SAMMSON: variants seen among roughly 807,000 people sequenced by gnomAD.
SAMMSON encodes survival associated mitochondrial melanoma specific oncogenic non-coding RNA.
chr3:70,213,002 T>C (rs769219861), intron 4 of SAMMSON, among the ~76,000 whole-genome samples: 1 of 152,192 alleles, frequency 6.6e-6, no homozygotes, highest in Non-Finnish European at 1.5e-5. Context: ...AGAGACTCGG[T>C]TTCACCATGC....
At chr3:70,225,769 T>G (rs1353101829) in intron 4 of SAMMSON, among the ~76,000 whole-genome samples, 4 of 152,216 alleles carry the variant, frequency 2.6e-5, no homozygotes, top group Non-Finnish European at 1.5e-5. Flanking sequence ...GATTTATGTC[T>G]TTTAAAAAAA....
At chr3:70,274,308 C>T (rs2106674880) in intron 6 of SAMMSON, among the ~76,000 whole-genome samples, 1 of 151,932 alleles carries the variant, frequency 6.6e-6, no homozygotes. Flanking sequence ...TAAATTATCA[C>T]TTATGGAAAT....
At chr3:70,431,694 C>G (rs1046205871) in intron 2 of SAMMSON, among the ~76,000 whole-genome samples, 3 of 151,974 alleles carry the variant, frequency 2.0e-5, no homozygotes, top group Non-Finnish European at 4.4e-5. Flanking sequence ...ATATAATGAT[C>G]ACTCTAAACA....
At chr3:70,419,349 T>C (rs1179992007) in intron 2 of SAMMSON, among the ~76,000 whole-genome samples, 1 of 151,990 alleles carries the variant, frequency 6.6e-6, no homozygotes, top group Non-Finnish European at 1.5e-5. Context: ...GATGTTTTCT[T>C]TGGACTATTT....
chr3:70,252,887 G>A (rs1207363258), intron 6 of SAMMSON, among the ~76,000 whole-genome samples: 3 of 151,692 alleles, frequency 2.0e-5, no homozygotes, highest in East Asian at 3.9e-4. Flanking sequence ...CGAGACCAGC[G>A]TGGCCAACAT....
At chr3:70,363,720 G>A (rs978976153) in intron 9 of SAMMSON, among the ~76,000 whole-genome samples, 3 of 151,788 alleles carry the variant, frequency 2.0e-5, no homozygotes, top group Non-Finnish European at 4.4e-5. Flanking sequence ...GTTTGAGAAT[G>A]TCCGTTTCCA....
chr3:70,282,241 C>T (rs1321815635), intron 6 of SAMMSON, among the ~76,000 whole-genome samples: 1 of 152,120 alleles, frequency 6.6e-6, no homozygotes, highest in Admixed American at 6.6e-5. Flanking sequence ...GCTTTCTGTG[C>T]AGTGAGCAAT....
intron 3 of SAMMSON, among the ~76,000 whole-genome samples, chr3:70,022,426 C>CAAAAAAAAAAAAAAAA (rs60455629): frequency 1.6e-4 from 15 of 91,122 alleles, no homozygotes; most frequent in Non-Finnish European, 3.1e-4. Context: ...AGTATAATAA[C>CAAAAAAAAAAAAAAAA]AAAAAAAAAA....
At chr3:70,062,226 C>G (rs2067193351) in intron 3 of SAMMSON, among the ~76,000 whole-genome samples, 1 of 152,034 alleles carries the variant, frequency 6.6e-6, no homozygotes, top group Admixed American at 6.6e-5. Context: ...AAGGAGGCCT[C>G]TCCTGACCCC....
At chr3:70,425,164 A>G (rs997760467) in intron 2 of SAMMSON, 18 of 152,238 alleles carry the variant, frequency 1.2e-4, no homozygotes, top group African/African-American at 4.3e-4. Context: ...CAGTTTCTCC[A>G]ATAAGCAATG....
At chr3:70,374,534 C>T (rs1417021336) in intron 9 of SAMMSON, among the ~76,000 whole-genome samples, 1 of 152,034 alleles carries the variant, frequency 6.6e-6, no homozygotes, top group Non-Finnish European at 1.5e-5. Context: ...ATTATTGCTA[C>T]TGGGTGGGAG....
chr3:70,083,373 A>G (rs2067273438), intron 4 of SAMMSON, among the ~76,000 whole-genome samples: 1 of 152,164 alleles, frequency 6.6e-6, no homozygotes, highest in African/African-American at 2.4e-5. Flanking sequence ...CTTCTTGTTC[A>G]AGCCAGGAAC....
At chr3:70,273,589 T>A (rs1198208027) in intron 6 of SAMMSON, among the ~76,000 whole-genome samples, 1 of 151,742 alleles carries the variant, frequency 6.6e-6, no homozygotes, top group African/African-American at 2.4e-5. Context: ...AAAAAAGAAA[T>A]GCAGGTCTTG....
chr3:70,127,368 G>T (rs948856978), intron 4 of SAMMSON: 1 of 152,108 alleles, frequency 6.6e-6, no homozygotes, highest in African/African-American at 2.4e-5. Flanking sequence ...GTTTATCAGG[G>T]TCAGGATCAT....
At chr3:70,334,857 T>C (rs6763116) in intron 7 of SAMMSON, among the ~76,000 whole-genome samples, 94,027 of 151,914 alleles carry the variant, frequency 0.62, 29,524 homozygotes, top group Admixed American at 0.67. Flanking sequence ...TCCTCTAGGA[T>C]TGACAATCAA....
At chr3:70,136,421 CT>C (rs2067506186) in intron 4 of SAMMSON, among the ~76,000 whole-genome samples, 1 of 152,198 alleles carries the variant, frequency 6.6e-6, no homozygotes, top group African/African-American at 2.4e-5. Context: ...GAACTGAGGC[CT>C]TTGCCAATAG....
In SAMMSON at chr3:70,010,409, C is replaced by G. The variant is rs1041954372; in HGVS notation, n.23-1948C>G. Among the ~76,000 whole-genome samples the G allele has an allele frequency of 3.3e-5, 5 of 152,044 alleles. No homozygotes were observed. The South Asian group carries it at 8.3e-4, about 25-fold the overall frequency. On this transcript the variant is annotated intron_variant and non_coding_transcript_variant, in intron 1 of 9. Coordinates refer to ENST00000642114, the Ensembl canonical transcript of SAMMSON. ...CATTATGTAATGGCCTTCTTTGTCT[C>G]TTTTGATCTTTGTTGGTTTAAAGTC... is the stretch of plus-strand genomic sequence containing the variant.
chr3:70,263,094 G>A (rs1241388753), intron 6 of SAMMSON, among the ~76,000 whole-genome samples: 2 of 151,908 alleles, frequency 1.3e-5, no homozygotes, highest in Admixed American at 1.3e-4. Context: ...ATATCTTTGA[G>A]CATATAGGAC....
intron 4 of SAMMSON, among the ~76,000 whole-genome samples, chr3:70,080,621 A>G (rs965316141): frequency 4.6e-5 from 7 of 151,792 alleles, no homozygotes; most frequent in African/African-American, 1.5e-4. Context: ...TTTTGTCTAT[A>G]AAACTCTTAC....
Sources: allele counts gnomAD v4.1 joint callset (sites outside exome capture counted in the v4.1 genomes callset), GRCh38; gene constraint gnomAD v4.1.1; transcripts MANE v1.5; gene names NCBI Gene and HGNC (gene_info 2026-07-23, HGNC 2026-07-21).